MDGA2: variants seen among roughly 807,000 people sequenced by gnomAD.
The protein encoded by MDGA2 is MAM domain containing glycosylphosphatidylinositol anchor 2.
A neutral mutation model predicts 117.8 loss-of-function variants in MDGA2; 40 were observed. That is an observed-to-expected ratio of 0.34 (90% CI 0.26 to 0.44). MDGA2 has a LOEUF of 0.44. Among genes scored for constraint, MDGA2 ranks in the 20% least tolerant of loss-of-function variants. The pLI, the probability that MDGA2 is intolerant of heterozygous loss-of-function variation, is 1.00. For synonymous variants in MDGA2, 452 were observed against 439.0 expected (o/e 1.03, Z -0.37); for missense variants, 1,123 against 1,250.6 (o/e 0.90, Z 1.54).
At chr14:47,341,397 C>T (rs1055004674) in intron 1 of MDGA2, among the ~76,000 whole-genome samples, 1 of 152,166 alleles carries the variant, frequency 6.6e-6, no homozygotes, top group African/African-American at 2.4e-5. Context: ...CTCTTTTCAA[C>T]ACTGATGACG....
chr14:47,130,362 ATTG>A (rs1882141939), intron 5 of MDGA2, among the ~76,000 whole-genome samples: 1 of 152,094 alleles, frequency 6.6e-6, no homozygotes, highest in South Asian at 2.1e-4. Context: ...CCTTTCCCCC[ATTG>A]CTTGTTTTTC....
chr14:46,942,089 C>T (rs1356425964), intron 9 of MDGA2, among the ~76,000 whole-genome samples: 3 of 152,056 alleles, frequency 2.0e-5, no homozygotes, highest in Admixed American at 6.6e-5. Context: ...ATGTAACATT[C>T]GCTGTCTCTT....
At chr14:47,649,551 G>A (rs1370558651) in intron 1 of MDGA2, among the ~76,000 whole-genome samples, 1 of 152,092 alleles carries the variant, frequency 6.6e-6, no homozygotes, top group Non-Finnish European at 1.5e-5. Context: ...TGAGCATGGA[G>A]ACACGTGCCT....
chr14:47,232,739 C>T (rs952051700), intron 2 of MDGA2, among the ~76,000 whole-genome samples: 2 of 152,158 alleles, frequency 1.3e-5, no homozygotes, highest in African/African-American at 4.8e-5. Context: ...ACACCATAGA[C>T]TCTAACTGCC....
chr14:46,948,324 A>C (rs1885244595), intron 9 of MDGA2, among the ~76,000 whole-genome samples: 1 of 151,962 alleles, frequency 6.6e-6, no homozygotes, highest in South Asian at 2.1e-4. Flanking sequence ...AAATATCTTG[A>C]CCAGTACTGT....
At chr14:46,916,266 C>T (rs1471232005) in intron 10 of MDGA2, among the ~76,000 whole-genome samples, 2 of 152,070 alleles carry the variant, frequency 1.3e-5, no homozygotes, top group Non-Finnish European at 2.9e-5. Context: ...CCAGCATCCT[C>T]CATAGGATGA....
intron 3 of MDGA2, among the ~76,000 whole-genome samples, chr14:47,212,279 A>C (rs201803846): frequency 6.6e-6 from 1 of 152,178 alleles, no homozygotes; most frequent in East Asian, 1.9e-4. Context: ...TCTTATGAAT[A>C]AATAAAGTGT....
chr14:47,007,862 T>C lies in MDGA2; in HGVS notation c.1819+27149A>G, dbSNP rs190262536. 1.7e-4 allele frequency among the ~76,000 whole-genome samples: 26 copies of C among 152,010 alleles called. 1 individual carries two copies. The highest frequency in any genetic ancestry group is 4.8e-4 in the African/African-American group (20 of 41,538). ...AGTTGTTTCCTTTGCTAGAATTATA[T>C]TAAATTTGAGTGGAACAAATTCTAA... On this transcript the variant is annotated intron_variant, in intron 8 of 16. Coordinates refer to ENST00000399232, the MANE Select transcript of MDGA2 (RefSeq NM_001113498.3).
At chr14:46,885,421 A>G (rs1028879232) in intron 10 of MDGA2, among the ~76,000 whole-genome samples, 1 of 152,154 alleles carries the variant, frequency 6.6e-6, no homozygotes, top group African/African-American at 2.4e-5. Flanking sequence ...AAATAACAAC[A>G]AGTAATTCAT....
intron 2 of MDGA2, among the ~76,000 whole-genome samples, chr14:47,268,981 A>G (rs1417297863): frequency 6.6e-6 from 1 of 152,186 alleles, no homozygotes; most frequent in African/African-American, 2.4e-5. Context: ...GAGTACTGTG[A>G]AGTAAGGCTC....
intron 5 of MDGA2, among the ~76,000 whole-genome samples, chr14:47,106,299 C>T (rs986529792): frequency 3.9e-5 from 6 of 152,088 alleles, no homozygotes; most frequent in East Asian, 1.9e-4. Context: ...TAATTAACCT[C>T]GCCTTCAAGG....
chr14:47,237,840 C>A (rs1464410928), intron 2 of MDGA2, among the ~76,000 whole-genome samples: 2 of 152,116 alleles, frequency 1.3e-5, no homozygotes, highest in African/African-American at 4.8e-5. Context: ...GACACAAGGT[C>A]CACCTTCCAT....
chr14:47,559,410 G>A (rs1425934407), intron 1 of MDGA2, among the ~76,000 whole-genome samples: 9 of 152,120 alleles, frequency 5.9e-5, no homozygotes, highest in Non-Finnish European at 1.3e-4. Flanking sequence ...CTCCTGCAAA[G>A]CGCAAAGGAC....
intron 10 of MDGA2, among the ~76,000 whole-genome samples, chr14:46,909,724 T>C (rs1207996020): frequency 6.6e-6 from 1 of 152,170 alleles, no homozygotes; most frequent in Non-Finnish European, 1.5e-5. Flanking sequence ...GACCTATCAT[T>C]GCAGTACCTT....
chr14:47,212,284 A>G (rs1885913032), intron 3 of MDGA2, among the ~76,000 whole-genome samples: 1 of 152,146 alleles, frequency 6.6e-6, no homozygotes. Flanking sequence ...TGAATAAATA[A>G]AGTGTGAGTA....
intron 1 of MDGA2, among the ~76,000 whole-genome samples, chr14:47,502,614 C>T (rs1894421251): frequency 6.6e-6 from 1 of 152,094 alleles, no homozygotes; most frequent in Non-Finnish European, 1.5e-5. Context: ...TTTGTGAATC[C>T]AGTATAACAT....
At chr14:47,166,033 C>CTTTTTTT (rs35219016) in intron 3 of MDGA2, among the ~76,000 whole-genome samples, 4 of 115,514 alleles carry the variant, frequency 3.5e-5, no homozygotes, top group Non-Finnish European at 5.4e-5. Context: ...GCACTGTTTA[C>CTTTTTTT]TTTTTTTTTT....
At chr14:47,472,823 A>T (rs897794930) in intron 1 of MDGA2, among the ~76,000 whole-genome samples, 9 of 152,138 alleles carry the variant, frequency 5.9e-5, no homozygotes, top group Non-Finnish European at 1.2e-4. Flanking sequence ...GAAAATTATA[A>T]TGATGCCTAC....
intron 8 of MDGA2, among the ~76,000 whole-genome samples, chr14:46,968,122 A>G (rs372154412): frequency 6.6e-6 from 1 of 152,142 alleles, no homozygotes; most frequent in African/African-American, 2.4e-5. Context: ...GGCTAACACC[A>G]TCTCTGGTGC....
Sources: allele counts gnomAD v4.1 joint callset (sites outside exome capture counted in the v4.1 genomes callset), GRCh38; gene constraint gnomAD v4.1.1; transcripts MANE v1.5; gene names NCBI Gene and HGNC (gene_info 2026-07-23, HGNC 2026-07-21).